Variants in UGT1A8 observed in about 807,000 individuals in gnomAD.
UGT1A8 encodes the protein UDP glucuronosyltransferase family 1 member A8, also known as UDP-glucuronosyltransferase 1A8.
In UGT1A8, 39 loss-of-function variants were observed where a neutral mutation model predicts 45.3. The ratio of observed to expected loss-of-function variants is 0.86; its 90% CI spans 0.67 to 1.12. The LOEUF (loss-of-function observed/expected upper bound fraction) is 1.12, where lower values mean the gene tolerates loss of function less well. UGT1A8 is among the 50% of genes most tolerant of loss of function. The probability of loss-of-function intolerance (pLI) is 0.00; values close to 1 mark genes in which losing one functional copy is unlikely to be tolerated. For synonymous variants in UGT1A8, 275 were observed against 249.2 expected, an observed-to-expected ratio of 1.10 and a Z score of -0.97; for missense variants, 719 against 664.9, an observed-to-expected ratio of 1.08 and a Z score of -0.90.
intron 1 of UGT1A8, among the ~76,000 whole-genome samples, chr2:233,671,155 G>T (rs1346642215): frequency 6.6e-6 from 1 of 152,248 alleles, no homozygotes; most frequent in Non-Finnish European, 1.5e-5. Context: ...CTGAAGGAGG[G>T]CACTGGAGTG....
rs769029902 is a variant in UGT1A8, at chr2:233,746,869, C to G, written c.856-20165C>G. Among the ~76,000 whole-genome samples, 366 of 151,862 alleles carry G rather than the reference C, an allele frequency of 2.4e-3. 1 individual carries two copies. Among genetic ancestry groups the G allele is most frequent in the Non-Finnish European group, 3.4e-3 (229 of 68,000 alleles). ...CAGACCTCAGCTGCAGCCTGATAAA[C>G]GTGGTTAACAGAGAAGTAGGAGGCT... On this transcript the variant is annotated intron_variant, in intron 1 of 4. Coordinates refer to ENST00000373450, the MANE Select transcript of UGT1A8 (RefSeq NM_019076.5).
intron 1 of UGT1A8, among the ~76,000 whole-genome samples, chr2:233,710,360 T>C (rs1335672685): frequency 6.6e-6 from 1 of 152,254 alleles, no homozygotes; most frequent in Non-Finnish European, 1.5e-5. Flanking sequence ...AAAGCAGTTA[T>C]ACAATTTTAC....
chr2:233,675,197 C>T (rs950027047), intron 1 of UGT1A8, among the ~76,000 whole-genome samples: 85 of 152,138 alleles, frequency 5.6e-4, no homozygotes, highest in African/African-American at 1.9e-3. Flanking sequence ...GGCAGATGGC[C>T]CCGTCTTCAA....
rs187532847 is a variant in UGT1A8, at chr2:233,687,638, C to A, written c.855+69076C>A. On this transcript the variant is annotated intron_variant, in intron 1 of 4. Transcript: ENST00000373450. ...GAAAAAAAGGCTGAGTGTGGTGGCT[C>A]ACACATGTAATCACAGCACTTTAGG... Among the ~76,000 whole-genome samples, 42 of 150,198 alleles carry A rather than the reference C, an allele frequency of 2.8e-4. 1 individual carries two copies. The highest frequency in any genetic ancestry group is 2.7e-4 in the Admixed American group (4 of 15,044).
chr2:233,762,650 A>G (rs1191446046), intron 1 of UGT1A8, among the ~76,000 whole-genome samples: 5 of 151,336 alleles, frequency 3.3e-5, no homozygotes, highest in Admixed American at 2.6e-4. Context: ...AAGATAAGCT[A>G]TTTTGTAGTT....
chr2:233,641,560 A>G (rs576224662), intron 1 of UGT1A8, among the ~76,000 whole-genome samples: 1 of 152,350 alleles, frequency 6.6e-6, no homozygotes, highest in East Asian at 1.9e-4. Context: ...TTACAATGTT[A>G]TAATATTCTG....
chr2:233,630,952 A>G (rs1343115279), intron 1 of UGT1A8, among the ~76,000 whole-genome samples: 4 of 151,434 alleles, frequency 2.6e-5, no homozygotes, highest in Non-Finnish European at 5.9e-5. Context: ...CTTCATCTAC[A>G]TTAGGTATTT....
chr2:233,729,491 T>C, intron 1 of UGT1A8: 1 of 1,614,228 alleles, frequency 6.2e-7, no homozygotes, highest in Non-Finnish European at 8.5e-7. Context: ...AATATGTCTT[T>C]GGTCTATCAT....
chr2:233,768,423 G>A lies in UGT1A8; in HGVS notation c.1279G>A (p.Val427Ile). The A allele has an allele frequency of 6.2e-7, 1 of 1,614,098 alleles. No homozygotes were observed. The highest frequency in any genetic ancestry group is 8.5e-7 in the Non-Finnish European group (1 of 1,180,004). The change falls in exon 4 of 5, where the codon GTC (valine) becomes ATC (isoleucine). Residue 427 changes from valine to isoleucine, a missense_variant. Coordinates refer to ENST00000373450, the MANE Select transcript of UGT1A8 (RefSeq NM_019076.5). ...AGATTTAGAAAATGCTCTAAAAGCA[G>A]TCATCAATGACAAAAGGTAAGAAAG... ...SEDLENALKAVINDKSYKENI... is the reference protein window; with the variant it reads ...SEDLENALKAIINDKSYKENI...
In UGT1A8 at chr2:233,618,282, G is replaced by T; in HGVS notation, c.575G>T (p.Arg192Ile). The change falls in exon 1 of 5, where the codon AGA (arginine) becomes ATA (isoleucine). Residue 192 changes from arginine (R) to isoleucine (I), a missense_variant. Arg to Ile is a moderately conservative substitution (Grantham distance 97, BLOSUM62 -3). Coordinates refer to ENST00000373450, the MANE Select transcript of UGT1A8 (RefSeq NM_019076.5). Reference sequence around the variant, plus strand: ...CCTGCTCCTCTTTCCTATGTCCCCAGAATTCTCTTAGGGTTCTCAGATGCC... The same window carrying T: ...CCTGCTCCTCTTTCCTATGTCCCCATAATTCTCTTAGGGTTCTCAGATGCC... ...QCPAPLSYVPRILLGFSDAMT... is the reference protein window; with the variant it reads ...QCPAPLSYVPIILLGFSDAMT... 2 of 1,613,882 alleles carry T rather than the reference G, an allele frequency of 1.2e-6. No individual in the cohort carries two copies. The highest frequency in any genetic ancestry group is 1.7e-6 in the Non-Finnish European group (2 of 1,179,840).
intron 1 of UGT1A8, among the ~76,000 whole-genome samples, chr2:233,745,523 G>C (rs530279744): frequency 6.6e-6 from 1 of 151,554 alleles, no homozygotes; most frequent in Non-Finnish European, 1.5e-5. Context: ...GGTCTAATGG[G>C]GATGTGTTAT....
chr2:233,657,017 A>G (rs375243813), intron 1 of UGT1A8, among the ~76,000 whole-genome samples: 9 of 151,158 alleles, frequency 6.0e-5, no homozygotes, highest in African/African-American at 2.2e-4. Context: ...CTACGTCTTT[A>G]TGAAATCCCT....
intron 1 of UGT1A8, among the ~76,000 whole-genome samples, chr2:233,699,779 A>G (rs1414060236): frequency 6.6e-6 from 1 of 152,200 alleles, no homozygotes; most frequent in African/African-American, 2.4e-5. Context: ...TCTGTTCCCA[A>G]GTTTCCTCCT....
At chr2:233,704,215 T>C (rs946162236) in intron 1 of UGT1A8, among the ~76,000 whole-genome samples, 1 of 151,050 alleles carries the variant, frequency 6.6e-6, no homozygotes, top group African/African-American at 2.4e-5. Flanking sequence ...ATGCTCTATA[T>C]CTCTCATGTA....
In UGT1A8 at chr2:233,703,202, A is replaced by G. The variant is rs1415439812; in HGVS notation, c.856-63832A>G. ...TTTGTTTCTTTCTAGGAATTTGTCA[A>G]TTTTATCTAAGTTATCTAATTCCTT... is the stretch of plus-strand genomic sequence containing the variant. On this transcript the variant is annotated intron_variant, in intron 1 of 4. Coordinates refer to ENST00000373450, the MANE Select transcript of UGT1A8 (RefSeq NM_019076.5). Among the ~76,000 whole-genome samples, 6 of 152,168 alleles carry G rather than the reference A, an allele frequency of 3.9e-5. No individual in the cohort carries two copies. In the East Asian group the frequency reaches 5.8e-4, roughly 15 times the overall value.
intron 1 of UGT1A8, among the ~76,000 whole-genome samples, chr2:233,712,803 C>G (rs2076255861): frequency 6.6e-6 from 1 of 152,168 alleles, no homozygotes; most frequent in African/African-American, 2.4e-5. Context: ...TCGGTCTTTC[C>G]CAGGGTGGGG....
chr2:233,741,330 A>G lies in UGT1A8; in HGVS notation c.856-25704A>G, dbSNP rs546865407. On this transcript the variant is annotated intron_variant, in intron 1 of 4. Coordinates refer to ENST00000373450, the MANE Select transcript of UGT1A8 (RefSeq NM_019076.5). ...CACACCAACTCATTCTACTCTACCC[A>G]GAGTAGTGATTTCCAACACACAAAA... is the stretch of plus-strand genomic sequence containing the variant. Among the ~76,000 whole-genome samples the G allele has an allele frequency of 1.8e-4, 27 of 151,932 alleles. 1 individual carries two copies. Among genetic ancestry groups the G allele is most frequent in the African/African-American group, 5.6e-4 (23 of 41,194 alleles).
rs527645764 is a variant in UGT1A8, at chr2:233,659,361, A to T, written c.855+40799A>T. ...GCCTTACCAATAACGTAAATAGCCA[A>T]TGAACACATATTTGATATGCTTTAT... On this transcript the variant is annotated intron_variant, in intron 1 of 4. Transcript: ENST00000373450. 2.0e-5 allele frequency among the ~76,000 whole-genome samples: 3 copies of T among 152,226 alleles called. No individual in the cohort carries two copies. The East Asian group carries it at 5.8e-4, about 29-fold the overall frequency.
intron 1 of UGT1A8, among the ~76,000 whole-genome samples, chr2:233,632,218 T>C (rs983701495): frequency 6.6e-6 from 1 of 152,232 alleles, no homozygotes; most frequent in Non-Finnish European, 1.5e-5. Context: ...ACAAGTACCA[T>C]GCTGTTTTTG....
Sources: allele counts gnomAD v4.1 joint callset (sites outside exome capture counted in the v4.1 genomes callset), GRCh38; gene constraint gnomAD v4.1.1; transcripts MANE v1.5; gene names NCBI Gene and HGNC (gene_info 2026-07-23, HGNC 2026-07-21).